CADM2: variants seen among roughly 807,000 people sequenced by gnomAD.
The protein encoded by CADM2 is immunoglobulin superfamily member 4D.
In CADM2, 12 loss-of-function variants were observed where a neutral mutation model predicts 49.8. The observed-to-expected ratio is 0.24, with a 90% CI of 0.15 to 0.39. The LOEUF (loss-of-function observed/expected upper bound fraction) is 0.39, where lower values mean the gene tolerates loss of function less well. CADM2 is among the 10% of genes least tolerant of loss of function. The probability of loss-of-function intolerance (pLI) is 1.00; values close to 1 mark genes in which losing one functional copy is unlikely to be tolerated. For missense variants in CADM2, 378 were observed against 492.3 expected (o/e 0.77, Z 2.20); for synonymous variants, 214 against 175.4 (o/e 1.22, Z -1.74).
intron 1 of CADM2, among the ~76,000 whole-genome samples, chr3:85,162,304 A>C (rs2040351582): frequency 6.6e-6 from 1 of 152,202 alleles, no homozygotes; most frequent in Non-Finnish European, 1.5e-5. Context: ...ATAACACTTG[A>C]GTTAGGAAAA....
chr3:84,990,781 T>A (rs1421601374), intron 1 of CADM2, among the ~76,000 whole-genome samples: 2 of 151,962 alleles, frequency 1.3e-5, no homozygotes, highest in Admixed American at 1.3e-4. Context: ...AAGAGAAAAA[T>A]CAAATGTGGA....
chr3:85,621,408 T>A (rs2063973675), intron 1 of CADM2, among the ~76,000 whole-genome samples: 2 of 152,162 alleles, frequency 1.3e-5, no homozygotes, highest in South Asian at 4.1e-4. Context: ...CACGTCATAT[T>A]CCTATGTTAG....
At chr3:85,744,484 A>T (rs1235057936) in intron 2 of CADM2, among the ~76,000 whole-genome samples, 1 of 152,040 alleles carries the variant, frequency 6.6e-6, no homozygotes, top group African/African-American at 2.4e-5. Context: ...CCATAAACAT[A>T]TACATCTGCC....
At chr3:85,875,623 A>G (rs1292682723) in intron 3 of CADM2, among the ~76,000 whole-genome samples, 1 of 152,164 alleles carries the variant, frequency 6.6e-6, no homozygotes, top group Admixed American at 6.6e-5. Flanking sequence ...CCTTGGGGGA[A>G]GTAGAGATTT....
At chr3:85,076,302 A>G (rs1297953358) in intron 1 of CADM2, among the ~76,000 whole-genome samples, 2 of 50,588 alleles carry the variant, frequency 4.0e-5, no homozygotes, top group African/African-American at 1.4e-4. Context: ...TAAAAAAGAA[A>G]TTGTGTGTGT....
At chr3:85,188,240 G>A (rs896594532) in intron 1 of CADM2, among the ~76,000 whole-genome samples, 2 of 151,948 alleles carry the variant, frequency 1.3e-5, no homozygotes, top group Non-Finnish European at 2.9e-5. Flanking sequence ...GACAGCTTAT[G>A]CATTCTTATT....
chr3:85,166,384 G>A (rs2040471461), intron 1 of CADM2, among the ~76,000 whole-genome samples: 1 of 151,696 alleles, frequency 6.6e-6, no homozygotes, highest in African/African-American at 2.4e-5. Flanking sequence ...TGAGATTTTA[G>A]AAAGCATGAT....
intron 1 of CADM2, among the ~76,000 whole-genome samples, chr3:85,681,987 G>A (rs958945276): frequency 1.3e-5 from 2 of 152,102 alleles, no homozygotes; most frequent in African/African-American, 4.8e-5. Context: ...TTATTTTGCT[G>A]TTGATCTGTT....
rs865915925 is a variant in CADM2, at chr3:85,726,698, C to A, written c.88+150C>A. On this transcript the variant is annotated intron_variant, in intron 2 of 9. Transcript: ENST00000383699. ...CATAAATTCCTACAAATACAAATAT[C>A]AATTATTTCAGTTATCCAATTTCTG... 68 of 527,460 alleles carry A rather than the reference C, an allele frequency of 1.3e-4. No individual in the cohort carries two copies. In the Middle Eastern group the frequency reaches 2.0e-3, roughly 15 times the overall value. 32.7% of individuals were successfully genotyped at this position (527,460 alleles called of 1,614,324 possible). A position where few individuals can be genotyped will look rare whatever the true frequency, so the allele number is the denominator to read the frequency against.
chr3:85,634,304 T>A (rs987906056), intron 1 of CADM2, among the ~76,000 whole-genome samples: 2 of 152,082 alleles, frequency 1.3e-5, no homozygotes, highest in African/African-American at 2.4e-5. Flanking sequence ...TTTCAAGGTT[T>A]TCTTGCTTCA....
chr3:84,996,449 T>C (rs2033183493), intron 1 of CADM2, among the ~76,000 whole-genome samples: 1 of 152,156 alleles, frequency 6.6e-6, no homozygotes, highest in Admixed American at 6.5e-5. Context: ...CTGTCTGGAC[T>C]TGTCTTAATT....
At chr3:85,983,508 T>C (rs1267257952) in intron 8 of CADM2, among the ~76,000 whole-genome samples, 1 of 151,724 alleles carries the variant, frequency 6.6e-6, no homozygotes, top group Non-Finnish European at 1.5e-5. Flanking sequence ...TTGAGAGTTA[T>C]ATAATATCTA....
intron 1 of CADM2, among the ~76,000 whole-genome samples, chr3:85,153,114 C>A (rs181202267): frequency 2.0e-5 from 3 of 152,320 alleles, no homozygotes; most frequent in Admixed American, 2.0e-4. Context: ...GCTCCAGTCT[C>A]CAGCTCCCAG....
chr3:85,668,405 T>C (rs2065639316), intron 1 of CADM2, among the ~76,000 whole-genome samples: 1 of 151,824 alleles, frequency 6.6e-6, no homozygotes, highest in Admixed American at 6.6e-5. Context: ...CTTTGTTCAA[T>C]GAACAAGGTG....
chr3:85,215,376 A>AG (rs1348014860), intron 1 of CADM2, among the ~76,000 whole-genome samples: 3 of 151,356 alleles, frequency 2.0e-5, no homozygotes, highest in Admixed American at 6.6e-5. Context: ...AAAAAAAAAA[A>AG]AAAAAAGAAA....
intron 1 of CADM2, among the ~76,000 whole-genome samples, chr3:85,473,431 C>G (rs772535970): frequency 6.6e-6 from 1 of 152,014 alleles, no homozygotes; most frequent in Non-Finnish European, 1.5e-5. Flanking sequence ...CTGCACCAGT[C>G]TTTTAATTAG....
intron 1 of CADM2, among the ~76,000 whole-genome samples, chr3:85,315,567 A>G (rs1351439202): frequency 6.6e-6 from 1 of 152,186 alleles, no homozygotes; most frequent in Non-Finnish European, 1.5e-5. Flanking sequence ...TTTTAAGACA[A>G]TTTTCAAAAT....
chr3:85,786,909 G>A (rs1015575661), intron 2 of CADM2, among the ~76,000 whole-genome samples: 2 of 152,022 alleles, frequency 1.3e-5, no homozygotes, highest in African/African-American at 4.8e-5. Flanking sequence ...ATATTTCACA[G>A]GGGAAAAACT....
chr3:86,052,719 C>T (rs1439808382), intron 8 of CADM2, among the ~76,000 whole-genome samples: 1 of 152,014 alleles, frequency 6.6e-6, no homozygotes, highest in African/African-American at 2.4e-5. Context: ...TAGTTAGCTG[C>T]ATTTTGCATA....
Sources: allele counts gnomAD v4.1 joint callset (sites outside exome capture counted in the v4.1 genomes callset), GRCh38; gene constraint gnomAD v4.1.1; transcripts MANE v1.5; gene names NCBI Gene and HGNC (gene_info 2026-07-23, HGNC 2026-07-21).